The following SPATA33 variants were observed in gnomAD, a reference collection of about 807,000 sequenced individuals.
SPATA33 encodes the protein spermatogenesis associated 33.
SPATA33 carries 10 observed loss-of-function variants against 8.9 expected under a neutral mutation model. The observed-to-expected ratio is 1.12, with a 90% CI of 0.69 to 1.90. The LOEUF is 1.90. SPATA33 is among the 40% of genes most tolerant of loss of function. SPATA33 has a pLI of 0.00. For missense variants in SPATA33, 241 were observed against 178.3 expected, an observed-to-expected ratio of 1.35 and a Z score of -2.00; for synonymous variants, 96 against 72.8, an observed-to-expected ratio of 1.32 and a Z score of -1.63.
intron 2 of SPATA33, among the ~76,000 whole-genome samples, chr16:89,667,191 G>T (rs529913589): frequency 8.5e-5 from 13 of 152,310 alleles, no homozygotes; most frequent in Admixed American, 7.8e-4. Context: ...CGTCCTACCA[G>T]ACGCTGGCGT....
intron 2 of SPATA33, among the ~76,000 whole-genome samples, chr16:89,663,361 C>A (rs756761184): frequency 6.6e-6 from 1 of 151,466 alleles, no homozygotes; most frequent in Non-Finnish European, 1.5e-5. Flanking sequence ...TACAGGCATG[C>A]GCCACCATGC....
intron 2 of SPATA33, among the ~76,000 whole-genome samples, chr16:89,662,513 T>A (rs2059977379): frequency 6.6e-6 from 1 of 151,684 alleles, no homozygotes. Context: ...AGCCTCCGCC[T>A]CCCAAGTTCA....
chr16:89,667,715 C>T (rs546686367), intron 2 of SPATA33, among the ~76,000 whole-genome samples: 6 of 152,166 alleles, frequency 3.9e-5, no homozygotes, highest in South Asian at 4.1e-4. Flanking sequence ...GTGGGTCATT[C>T]GGCAGCTGAC....
chr16:89,670,029 T>TG lies in SPATA33; in HGVS notation c.*536dup, dbSNP rs2060081706. 1 of 111,138 alleles carries TG rather than the reference T, an allele frequency of 9.0e-6. No homozygotes were observed. The highest frequency in any genetic ancestry group is 1.8e-5 in the Non-Finnish European group (1 of 54,064). The allele number at this position is 111,138 out of a possible 1,614,324, so 6.9% of individuals were successfully genotyped here. On this transcript the variant is annotated 3_prime_UTR_variant, in exon 3 of 3. Transcript: ENST00000579310. ...GCCATGGCCCCTTCTCCAGTGCTTT[T>TG]GGGGAGGGTGCACCAGGGCCACCCC...
intron 2 of SPATA33, among the ~76,000 whole-genome samples, chr16:89,665,502 G>A (rs542285849): frequency 4.1e-5 from 6 of 147,078 alleles, no homozygotes; most frequent in African/African-American, 1.5e-4. Flanking sequence ...TTTAAGTAGA[G>A]ATGGGGTTTC....
intron 2 of SPATA33, among the ~76,000 whole-genome samples, chr16:89,667,517 G>A (rs891402055): frequency 5.3e-5 from 8 of 152,134 alleles, no homozygotes; most frequent in Admixed American, 3.3e-4. Flanking sequence ...TGGGTGACTT[G>A]CCGCCCACAG....
At chr16:89,668,328 A>AT (rs1438037949) in intron 2 of SPATA33, among the ~76,000 whole-genome samples, 4 of 152,206 alleles carry the variant, frequency 2.6e-5, no homozygotes, top group African/African-American at 4.8e-5. Context: ...TAAGAAGAAG[A>AT]TTAATAATAA....
chr16:89,658,225 A>G (rs1429213949), intron 1 of SPATA33, 23 bp from the exon 2 acceptor site: 1 of 1,613,562 alleles, frequency 6.2e-7, no homozygotes, highest in East Asian at 2.2e-5. Flanking sequence ...TCCCGGGTCT[A>G]ACGGATGATC....
At chr16:89,660,418 C>T in intron 2 of SPATA33, 1 of 1,214,238 alleles carries the variant, frequency 8.2e-7, no homozygotes, top group Non-Finnish European at 1.0e-6. Flanking sequence ...TTGGAAGGGC[C>T]CCAGCAGTGT....
chr16:89,662,653 C>T (rs953302358), intron 2 of SPATA33, among the ~76,000 whole-genome samples: 1 of 152,228 alleles, frequency 6.6e-6, no homozygotes, highest in African/African-American at 2.4e-5. Context: ...CCTCAAACTC[C>T]TGGCTTCAGC....
chr16:89,658,459 G>A, intron 2 of SPATA33, 38 bp downstream of exon 2: 1 of 1,562,924 alleles, frequency 6.4e-7, no homozygotes, highest in South Asian at 1.2e-5. Context: ...GAGGTCAGTG[G>A]CTTGGAGGAT....
chr16:89,665,098 C>T (rs929319938), intron 2 of SPATA33, among the ~76,000 whole-genome samples: 2 of 151,996 alleles, frequency 1.3e-5, no homozygotes, highest in African/African-American at 2.4e-5. Context: ...TGGGCTCAAA[C>T]GATTCTCCCA....
intron 2 of SPATA33, among the ~76,000 whole-genome samples, chr16:89,666,327 C>T (rs1051965334): frequency 9.9e-5 from 15 of 152,048 alleles, no homozygotes; most frequent in Admixed American, 3.9e-4. Flanking sequence ...ATAGCCACTG[C>T]GCTCCTTCCT....
chr16:89,668,918 T>A (rs1457970050), intron 2 of SPATA33, among the ~76,000 whole-genome samples: 12 of 152,210 alleles, frequency 7.9e-5, no homozygotes. Context: ...TTTAGCAGAA[T>A]TAGAGACCTT....
At chr16:89,663,687 G>T (rs2059990999) in intron 2 of SPATA33, among the ~76,000 whole-genome samples, 1 of 152,194 alleles carries the variant, frequency 6.6e-6, no homozygotes, top group South Asian at 2.1e-4. Context: ...TAGGGAGTGG[G>T]TGTGTCTGAA....
rs780344801 is a variant in SPATA33, at chr16:89,658,290, C to G, written c.80C>G (p.Ser27Cys). 2.5e-6 allele frequency: 4 copies of G among 1,614,182 alleles called. 1 individual carries two copies. In the South Asian group the frequency reaches 4.4e-5, roughly 18 times the overall value. ...GGATCCACCTATTCAGTTCCAAAAT[C>G]TAAGGAGAAGTTGATGGAGAAGCAT... ...KKGSTYSVPKSKEKLMEKHSQ... is the reference protein window; with the variant it reads ...KKGSTYSVPKCKEKLMEKHSQ... Residue 27 changes from serine (S) to cysteine (C), a missense_variant, in exon 2 of 3, where the codon TCT (serine) becomes TGT (cysteine). Coordinates refer to ENST00000579310, the MANE Select transcript of SPATA33 (RefSeq NM_001271907.2).
chr16:89,669,520 C>A lies in SPATA33; in HGVS notation c.*23C>A, dbSNP rs368331217. ...TAAACAAGCACCTTTGCATGGCACT[C>A]GCTACTCCCTGCGATAGGCGTCTCG... On this transcript the variant is annotated 3_prime_UTR_variant, in exon 3 of 3. Coordinates refer to ENST00000579310, the MANE Select transcript of SPATA33 (RefSeq NM_001271907.2). 2 of 1,606,542 alleles carry A rather than the reference C, an allele frequency of 1.2e-6. No individual in the cohort carries two copies. Among genetic ancestry groups the A allele is most frequent in the Non-Finnish European group, 1.7e-6 (2 of 1,175,974 alleles).
At chr16:89,662,002 TACTC>T (rs1330957377) in intron 2 of SPATA33, among the ~76,000 whole-genome samples, 93 of 152,122 alleles carry the variant, frequency 6.1e-4, no homozygotes, top group African/African-American at 2.2e-3. Flanking sequence ...TCCTTAAAGA[TACTC>T]AGAATGCCAG....
At chr16:89,658,602 A>G (rs1400811135) in intron 2 of SPATA33, 181 bp downstream of exon 2, 7 of 805,510 alleles carry the variant, frequency 8.7e-6, no homozygotes, top group African/African-American at 5.2e-5. Context: ...ATCTTAGTTG[A>G]AAACATAAGT....
Sources: allele counts gnomAD v4.1 joint callset (sites outside exome capture counted in the v4.1 genomes callset), GRCh38; gene constraint gnomAD v4.1.1; transcripts MANE v1.5; gene names NCBI Gene and HGNC (gene_info 2026-07-23, HGNC 2026-07-21).